PRKG1: variants seen among roughly 807,000 people sequenced by gnomAD.
The protein encoded by PRKG1 is protein kinase cGMP-dependent 1.
A neutral mutation model predicts 88.1 loss-of-function variants in PRKG1; 35 were observed. The ratio of observed to expected loss-of-function variants is 0.40; its 90% CI spans 0.30 to 0.53. The LOEUF is 0.53. Ranked by LOEUF, PRKG1 falls within the 20% of genes least tolerant of loss-of-function variation. The probability of loss-of-function intolerance (pLI) is 0.59; values close to 1 mark genes in which losing one functional copy is unlikely to be tolerated. For synonymous variants in PRKG1, 303 were observed against 292.5 expected, an observed-to-expected ratio of 1.04 and a Z score of -0.37; for missense variants, 540 against 839.8, an observed-to-expected ratio of 0.64 and a Z score of 4.41.
chr10:51,171,056 G>A (rs1846691531), intron 2 of PRKG1, among the ~76,000 whole-genome samples: 1 of 152,066 alleles, frequency 6.6e-6, no homozygotes, highest in Non-Finnish European at 1.5e-5. Context: ...AAAACATTGA[G>A]GTGGTAAGAA....
intron 2 of PRKG1, among the ~76,000 whole-genome samples, chr10:51,262,171 C>T (rs558374672): frequency 6.6e-6 from 1 of 152,164 alleles, no homozygotes; most frequent in East Asian, 1.9e-4. Context: ...CAGGCTTGAG[C>T]CACTGTGCCC....
At chr10:51,890,452 C>A (rs1841691118) in intron 4 of PRKG1, among the ~76,000 whole-genome samples, 1 of 152,130 alleles carries the variant, frequency 6.6e-6, no homozygotes, top group Non-Finnish European at 1.5e-5. Flanking sequence ...ACAAGATATT[C>A]ATTCAGTTAG....
At chr10:51,884,815 T>C (rs1336842898) in intron 4 of PRKG1, among the ~76,000 whole-genome samples, 1 of 152,168 alleles carries the variant, frequency 6.6e-6, no homozygotes, top group Non-Finnish European at 1.5e-5. Flanking sequence ...TATTTTGACC[T>C]TATTTTTTGG....
chr10:52,097,840 A>G (rs889305637), intron 7 of PRKG1, among the ~76,000 whole-genome samples: 1 of 151,968 alleles, frequency 6.6e-6, no homozygotes, highest in African/African-American at 2.4e-5. Flanking sequence ...GATGCTATGA[A>G]TCATTACCAT....
At chr10:51,861,085 A>G (rs1413182323) in intron 4 of PRKG1, among the ~76,000 whole-genome samples, 1 of 152,168 alleles carries the variant, frequency 6.6e-6, no homozygotes, top group Non-Finnish European at 1.5e-5. Context: ...ATAAAAAAAA[A>G]GTATACCCAT....
At chr10:51,092,500 C>T (rs2131866730) in intron 1 of PRKG1, among the ~76,000 whole-genome samples, 1 of 152,302 alleles carries the variant, frequency 6.6e-6, no homozygotes, top group East Asian at 1.9e-4. Context: ...AAGCTAACTC[C>T]ACTTTGTCTC....
chr10:51,579,128 C>A (rs186947503), intron 3 of PRKG1, among the ~76,000 whole-genome samples: 2 of 151,272 alleles, frequency 1.3e-5, no homozygotes, highest in African/African-American at 2.4e-5. Flanking sequence ...ACTACAGGTG[C>A]GTGCCACCAC....
chr10:51,286,627 G>C (rs1277476139), intron 2 of PRKG1, among the ~76,000 whole-genome samples: 1 of 151,950 alleles, frequency 6.6e-6, no homozygotes, highest in Non-Finnish European at 1.5e-5. Context: ...TTATTTATGA[G>C]GTAAATGATC....
At position 52,297,742 on chromosome 10, in the gene PRKG1, G is replaced by T. The variant is rs1842410267; in HGVS notation, c.*3842G>T. The T allele has an allele frequency of 6.6e-6, 1 of 152,048 alleles. No homozygotes were observed. The highest frequency in any genetic ancestry group is 1.5e-5 in the Non-Finnish European group (1 of 68,004). 9.4% of individuals were successfully genotyped at this position (152,048 alleles called of 1,614,324 possible). A position where few individuals can be genotyped will look rare whatever the true frequency, so the allele number is the denominator to read the frequency against. On this transcript the variant is annotated 3_prime_UTR_variant, in exon 18 of 18. Transcript: ENST00000373980. The stretch of plus-strand genomic sequence containing the variant: ...AAGTTCTAACATATCTCATTTTATA[G>T]ACTCCATTGACAATGGTCCAACCGA...
chr10:51,543,193 G>A (rs2132114864), intron 3 of PRKG1, among the ~76,000 whole-genome samples: 1 of 152,246 alleles, frequency 6.6e-6, no homozygotes, highest in Admixed American at 6.5e-5. Flanking sequence ...GATATAATGT[G>A]CTTGTCAAAT....
At chr10:51,577,860 C>T (rs548660863) in intron 3 of PRKG1, among the ~76,000 whole-genome samples, 99 of 152,130 alleles carry the variant, frequency 6.5e-4, no homozygotes, top group African/African-American at 2.3e-3. Context: ...GTGGTATTTC[C>T]GTGCTTCCTG....
intron 3 of PRKG1, among the ~76,000 whole-genome samples, chr10:51,504,463 T>G (rs1056709223): frequency 2.0e-5 from 3 of 152,192 alleles, no homozygotes; most frequent in Non-Finnish European, 4.4e-5. Flanking sequence ...AGCTCTTTTT[T>G]GGTTCCATAT....
At chr10:51,640,949 A>C (rs1839783628) in intron 3 of PRKG1, among the ~76,000 whole-genome samples, 1 of 152,116 alleles carries the variant, frequency 6.6e-6, no homozygotes, top group Admixed American at 6.5e-5. Context: ...TTGCTTGCTG[A>C]ATTTGTAGAG....
intron 9 of PRKG1, among the ~76,000 whole-genome samples, chr10:52,169,382 T>G (rs7084335): frequency 0.049 from 7,450 of 152,222 alleles, 443 homozygotes; most frequent in East Asian, 0.31. Flanking sequence ...GCCTTTTCAC[T>G]GTAACCTCAC....
intron 2 of PRKG1, among the ~76,000 whole-genome samples, chr10:51,426,496 T>C (rs1449515110): frequency 1.3e-5 from 2 of 152,128 alleles, no homozygotes; most frequent in Admixed American, 6.5e-5. Context: ...TTATATACTA[T>C]GGTGATAGAC....
At chr10:51,099,143 GT>G (rs1430048838) in intron 1 of PRKG1, among the ~76,000 whole-genome samples, 7 of 152,046 alleles carry the variant, frequency 4.6e-5, no homozygotes, top group African/African-American at 1.7e-4. Context: ...CTCAGGATCT[GT>G]TTCTGGGGAC....
intron 3 of PRKG1, among the ~76,000 whole-genome samples, chr10:51,749,382 C>A (rs1399844854): frequency 6.6e-6 from 1 of 152,118 alleles, no homozygotes; most frequent in African/African-American, 2.4e-5. Flanking sequence ...CTGGTGAGGG[C>A]CCAATTCCTG....
At chr10:51,966,249 T>C (rs1480241229) in intron 5 of PRKG1, among the ~76,000 whole-genome samples, 3 of 152,174 alleles carry the variant, frequency 2.0e-5, no homozygotes, top group African/African-American at 7.2e-5. Context: ...ACCCTTTCCA[T>C]CTGCAAACAG....
intron 3 of PRKG1, among the ~76,000 whole-genome samples, chr10:51,761,492 A>G (rs1247132703): frequency 6.6e-6 from 1 of 152,192 alleles, no homozygotes; most frequent in Non-Finnish European, 1.5e-5. Flanking sequence ...TAGAAAATGT[A>G]TTTTGGTAGA....
Sources: gnomAD v4.1 joint callset for allele counts (sites outside exome capture counted in the v4.1 genomes callset) on GRCh38, gnomAD v4.1.1 for gene constraint, MANE v1.5 for transcripts, NCBI Gene and HGNC (gene_info 2026-07-23, HGNC 2026-07-21) for gene names.